The following RASGEF1A variants were observed in gnomAD, a reference collection of about 807,000 sequenced individuals.
The protein encoded by RASGEF1A is RasGEF domain family member 1A.
In RASGEF1A, 18 loss-of-function variants were observed where a neutral mutation model predicts 56.4. That is an observed-to-expected ratio of 0.32 (90% CI 0.22 to 0.47). RASGEF1A has a LOEUF of 0.47. RASGEF1A is among the 20% of genes least tolerant of loss of function. The probability of loss-of-function intolerance (pLI) is 1.00; values close to 1 mark genes in which losing one functional copy is unlikely to be tolerated. For missense variants in RASGEF1A, 422 were observed against 627.1 expected, an observed-to-expected ratio of 0.67 and a Z score of 3.49; for synonymous variants, 245 against 242.6, an observed-to-expected ratio of 1.01 and a Z score of -0.09.
At chr10:43,264,532 G>A (rs921588824) in intron 1 of RASGEF1A, among the ~76,000 whole-genome samples, 1 of 151,742 alleles carries the variant, frequency 6.6e-6, no homozygotes, top group Non-Finnish European at 1.5e-5. Context: ...GGGGAGGGCA[G>A]AGGAGCCGGG....
intron 1 of RASGEF1A, among the ~76,000 whole-genome samples, chr10:43,233,869 C>T (rs1207507601): frequency 1.3e-5 from 2 of 152,222 alleles, no homozygotes; most frequent in African/African-American, 2.4e-5. Flanking sequence ...AAGCATCCCC[C>T]ACAGGGGACT....
chr10:43,239,504 GC>G (rs1365781877), intron 1 of RASGEF1A, among the ~76,000 whole-genome samples: 2 of 152,212 alleles, frequency 1.3e-5, no homozygotes, highest in Non-Finnish European at 2.9e-5. Context: ...CTAAACGCTT[GC>G]AGAAATCTTA....
At chr10:43,228,694 A>G (rs1840315697) in intron 1 of RASGEF1A, among the ~76,000 whole-genome samples, 1 of 152,132 alleles carries the variant, frequency 6.6e-6, no homozygotes, top group Admixed American at 6.5e-5. Context: ...TAGCTCTCCT[A>G]CATTGCTTCT....
Position 43,198,199 on chromosome 10 carries a change from TG to T in RASGEF1A, c.1033-5del. On this transcript the variant is annotated splice_polypyrimidine_tract_variant and splice_region_variant and intron_variant, in intron 9 of 12. Transcript: ENST00000395810. ...TGCTGGACGGGTCCATGTGATGCTGTGGGCACAGGGAGGACCTGGTGAGCAT... is the reference window on the plus strand; with the variant it reads ...TGCTGGACGGGTCCATGTGATGCTGTGGCACAGGGAGGACCTGGTGAGCAT... The T allele has an allele frequency of 6.2e-7, 1 of 1,606,104 alleles. No homozygotes were observed. The highest frequency in any genetic ancestry group is 1.3e-5 in the African/African-American group (1 of 74,934).
chr10:43,200,650 C>A lies in RASGEF1A; in HGVS notation c.681+17G>T. ...CCACAGCCCCCACCCCCAGTCAGGG[C>A]ATAAGGCAGCACTGACCAGCTCAAT... On this transcript the variant is annotated intron_variant, in intron 5 of 12. Coordinates refer to ENST00000395810, the MANE Select transcript of RASGEF1A (RefSeq NM_145313.4). 6.2e-7 allele frequency: 1 copy of A among 1,605,428 alleles called. No individual in the cohort carries two copies. Among genetic ancestry groups the A allele is most frequent in the Non-Finnish European group, 8.5e-7 (1 of 1,176,416 alleles).
At chr10:43,226,392 T>C (rs1840280497) in intron 1 of RASGEF1A, among the ~76,000 whole-genome samples, 1 of 152,004 alleles carries the variant, frequency 6.6e-6, no homozygotes, top group South Asian at 2.1e-4. Context: ...AGTGAGATCA[T>C]GCCATTGCAC....
chr10:43,211,188 C>T (rs1197628762), intron 1 of RASGEF1A, among the ~76,000 whole-genome samples: 1 of 152,206 alleles, frequency 6.6e-6, no homozygotes, highest in African/African-American at 2.4e-5. Flanking sequence ...CACGCAGGGC[C>T]GGTGGACACA....
chr10:43,261,939 T>C (rs987797764), intron 1 of RASGEF1A, among the ~76,000 whole-genome samples: 1 of 152,186 alleles, frequency 6.6e-6, no homozygotes, highest in African/African-American at 2.4e-5. Flanking sequence ...AGGGACAAAG[T>C]GCAGATCCTC....
chr10:43,261,889 C>T (rs1364978556), intron 1 of RASGEF1A, among the ~76,000 whole-genome samples: 2 of 152,232 alleles, frequency 1.3e-5, no homozygotes, highest in African/African-American at 4.8e-5. Flanking sequence ...CAGAGAAGTC[C>T]AGGCAGGAGA....
chr10:43,256,837 G>T (rs2460557), intron 1 of RASGEF1A, among the ~76,000 whole-genome samples: 123,062 of 152,116 alleles, frequency 0.81, 50,298 homozygotes, highest in Non-Finnish European at 0.86. Flanking sequence ...GTTGCCGGCA[G>T]GAGTCCATCT....
intron 1 of RASGEF1A, among the ~76,000 whole-genome samples, chr10:43,251,430 C>T (rs1331515520): frequency 6.6e-6 from 1 of 152,198 alleles, no homozygotes; most frequent in Non-Finnish European, 1.5e-5. Context: ...GGCACAAAGG[C>T]TGGAGCAGGA....
Position 43,198,097 on chromosome 10 carries a change from G to C in RASGEF1A, c.1131C>G (p.Ile377Met), listed in dbSNP as rs774977336. ...SQMANSSREK[I>M]VIPVFNLFVK... ...CGAAGAGGTTGAACACAGGGATGAC[G>C]ATCTTTTCACGGCTGCTGTTGGCCA... is the stretch of plus-strand genomic sequence containing the variant. Residue 377 changes from isoleucine to methionine, a missense_variant, in exon 10 of 13, where the codon ATC becomes ATG. Ile to Met is a conservative substitution (Grantham distance 10). Coordinates refer to ENST00000395810, the MANE Select transcript of RASGEF1A (RefSeq NM_145313.4). The C allele has an allele frequency of 6.2e-7, 1 of 1,614,000 alleles. No individual in the cohort carries two copies. Among genetic ancestry groups the C allele is most frequent in the East Asian group, 2.2e-5 (1 of 44,904 alleles).
chr10:43,200,307 G>T (rs774521257), intron 5 of RASGEF1A, 51 bp from the exon 6 acceptor site: 1 of 1,481,594 alleles, frequency 6.7e-7, no homozygotes, highest in South Asian at 1.2e-5. Flanking sequence ...CTGGAGAAGG[G>T]ACAGCACTGC....
chr10:43,262,819 C>T (rs1307459613), intron 1 of RASGEF1A, among the ~76,000 whole-genome samples: 1 of 152,172 alleles, frequency 6.6e-6, no homozygotes, highest in Admixed American at 6.5e-5. Context: ...GTAAGGAGGC[C>T]ACTGCAAATG....
At chr10:43,233,242 C>T (rs1316020428) in intron 1 of RASGEF1A, among the ~76,000 whole-genome samples, 1 of 152,182 alleles carries the variant, frequency 6.6e-6, no homozygotes, top group Non-Finnish European at 1.5e-5. Flanking sequence ...TTGTTGACTG[C>T]TACATCCCAA....
intron 1 of RASGEF1A, among the ~76,000 whole-genome samples, chr10:43,209,637 G>C (rs527722062): frequency 6.6e-6 from 1 of 152,260 alleles, no homozygotes; most frequent in African/African-American, 2.4e-5. Context: ...GCTTATTCTA[G>C]ACACACTGGC....
At chr10:43,197,850 C>T (rs1014260880) in intron 10 of RASGEF1A, among the ~76,000 whole-genome samples, 154 bp downstream of exon 10, 4 of 152,188 alleles carry the variant, frequency 2.6e-5, no homozygotes, top group Admixed American at 6.5e-5. Flanking sequence ...AACAGCACCC[C>T]GTGACCCACT....
At chr10:43,215,159 C>G (rs1434983681) in intron 1 of RASGEF1A, among the ~76,000 whole-genome samples, 1 of 152,144 alleles carries the variant, frequency 6.6e-6, no homozygotes, top group Non-Finnish European at 1.5e-5. Flanking sequence ...AATTAAGAAA[C>G]CCAGCTTCCT....
chr10:43,237,568 AT>A (rs1840447383), intron 1 of RASGEF1A, among the ~76,000 whole-genome samples: 1 of 151,108 alleles, frequency 6.6e-6, no homozygotes, highest in South Asian at 2.1e-4. Context: ...TCTTACCTAC[AT>A]TTCTAGAAAG....
Sources: gnomAD v4.1 joint callset for allele counts (sites outside exome capture counted in the v4.1 genomes callset) on GRCh38, gnomAD v4.1.1 for gene constraint, MANE v1.5 for transcripts, NCBI Gene and HGNC (gene_info 2026-07-23, HGNC 2026-07-21) for gene names.